Variants in TMPRSS9 observed in about 807,000 individuals in gnomAD.
TMPRSS9 encodes the protein transmembrane protease serine 9.
In TMPRSS9, 113 loss-of-function variants were observed where a neutral mutation model predicts 111.4. The observed-to-expected ratio is 1.01, with a 90% CI of 0.87 to 1.19. The LOEUF (loss-of-function observed/expected upper bound fraction) is 1.19. Among genes scored for constraint, TMPRSS9 ranks in the 50% most tolerant of loss-of-function variants. TMPRSS9 has a pLI of 0.00. For missense variants in TMPRSS9, 1,803 were observed against 1,513.1 expected, an observed-to-expected ratio of 1.19 and a Z score of -3.18; for synonymous variants, 805 against 659.1, an observed-to-expected ratio of 1.22 and a Z score of -3.39.
chr19:2,418,260 CTCCTTG>C lies in TMPRSS9; in HGVS notation c.2154+128_2154+133del, dbSNP rs1258980504. The C allele has an allele frequency of 3.2e-3, 3,786 of 1,165,366 alleles. 126 individuals are homozygous for C. The highest frequency in any genetic ancestry group is 0.017 in the African/African-American group (811 of 48,498). 72.2% of individuals were successfully genotyped at this position (1,165,366 alleles called of 1,614,324 possible). On this transcript the variant is annotated intron_variant, in intron 13 of 17. Coordinates refer to ENST00000648592, the Ensembl canonical transcript of TMPRSS9. ...TTTCTTTCCTTCCCCCCCTCCTTCC[CTCCTTG>C]TCCTTCCCTCCTTTTCCTTTCCTCC...
exon 9 of TMPRSS9, chr19:2,410,340 C>T: frequency 6.2e-7 from 1 of 1,614,128 alleles, no homozygotes; most frequent in Non-Finnish European, 8.5e-7. Flanking sequence ...GCCATTCACT[C>T]ACTGACAGGA....
chr19:2,397,391 A>G (rs1054316008), intron 2 of TMPRSS9, among the ~76,000 whole-genome samples: 21 of 151,928 alleles, frequency 1.4e-4, no homozygotes, highest in Admixed American at 7.2e-4. Context: ...CCCGGGTTCA[A>G]GCGATTCTCC....
At chr19:2,424,897 C>T in intron 15 of TMPRSS9, 105 bp from the exon 17 acceptor site, 4 of 1,323,718 alleles carry the variant, frequency 3.0e-6, no homozygotes, top group Non-Finnish European at 3.9e-6. Flanking sequence ...ACCAAGAGGC[C>T]AATAACCCTG....
chr19:2,405,496 G>A lies in TMPRSS9; in HGVS notation c.793G>A (p.Ala265Thr), dbSNP rs371030548. The change falls in exon 7 of 18, where the codon GCC becomes ACC. Residue 265 changes from alanine (A) to threonine (T), a missense_variant. Coordinates refer to ENST00000648592, the Ensembl canonical transcript of TMPRSS9. Reference sequence around the variant, plus strand: ...GAACAAGGAGCACTTCTGTGGGGCCGCCATCATCAACGCCAGGTGGCTGGT... The same window carrying A: ...GAACAAGGAGCACTTCTGTGGGGCCACCATCATCAACGCCAGGTGGCTGGT... The A allele has an allele frequency of 2.5e-5, 40 of 1,603,448 alleles. No individual in the cohort carries two copies. The highest frequency in any genetic ancestry group is 3.5e-5 in the Admixed American group (2 of 57,640).
At chr19:2,368,781 T>TTTTTTGTTTTTG (rs1970266622) in intron 1 of TMPRSS9, among the ~76,000 whole-genome samples, 1 of 110,918 alleles carries the variant, frequency 9.0e-6, no homozygotes, top group East Asian at 2.7e-4. Flanking sequence ...CCAGTTTTTT[T>TTTTTTGTTTTTG]TTTTTTTTTT....
At chr19:2,386,441 C>T (rs1057341785), upstream of TMPRSS9, among the ~76,000 whole-genome samples, 1 of 150,310 alleles carries the variant, frequency 6.7e-6, no homozygotes, top group Non-Finnish European at 1.5e-5. Context: ...GGAGGCGGAG[C>T]TTGCAGTGAG....
intron 1 of TMPRSS9, among the ~76,000 whole-genome samples, chr19:2,394,096 G>A (rs4807258): frequency 0.34 from 52,013 of 151,758 alleles, 9,432 homozygotes; most frequent in East Asian, 0.6. Context: ...CTAGCTACTC[G>A]GGAAGCTAAG....
At chr19:2,400,298 T>C (rs1237288808) in intron 4 of TMPRSS9, among the ~76,000 whole-genome samples, 5 of 152,154 alleles carry the variant, frequency 3.3e-5, no homozygotes, top group Non-Finnish European at 5.9e-5. Flanking sequence ...TTCCAGCAAT[T>C]TGGGAGGCCA....
intron 1 of TMPRSS9, among the ~76,000 whole-genome samples, chr19:2,393,038 C>A (rs1346695692): frequency 1.3e-5 from 2 of 152,114 alleles, no homozygotes; most frequent in Admixed American, 1.3e-4. Context: ...TCAAAACGGA[C>A]CAGTCAGCTC....
At position 2,405,565 on chromosome 19, in the gene TMPRSS9, C is replaced by A; in HGVS notation, c.842+20C>A. 6.6e-7 allele frequency: 1 copy of A among 1,513,382 alleles called. No homozygotes were observed. The highest frequency in any genetic ancestry group is 1.3e-5 in the South Asian group (1 of 76,910). The allele number at this position is 1,513,382 out of a possible 1,614,324, so 93.7% of individuals were successfully genotyped here. Reference sequence around the variant, plus strand: ...CAATGAGTAAGCCCCCATCCCAAAGCACCAAACCCGAACCCTCTGTATTTC... The same window carrying A: ...CAATGAGTAAGCCCCCATCCCAAAGAACCAAACCCGAACCCTCTGTATTTC... On this transcript the variant is annotated intron_variant, in intron 7 of 17. Transcript: ENST00000648592.
intron 17 of TMPRSS9, 173 bp downstream of exon 18, chr19:2,425,666 T>A: frequency 1.8e-5 from 23 of 1,305,310 alleles, no homozygotes; most frequent in Non-Finnish European, 2.3e-5. Flanking sequence ...CAGCCGTTTA[T>A]TGGGCAACCC....
chr19:2,381,911 C>T (rs1016882673), intron 1 of TMPRSS9, among the ~76,000 whole-genome samples: 1 of 152,196 alleles, frequency 6.6e-6, no homozygotes, highest in Non-Finnish European at 1.5e-5. Flanking sequence ...GGCGCAATCT[C>T]AGCTCACTGC....
intron 13 of TMPRSS9, among the ~76,000 whole-genome samples, chr19:2,419,251 T>C (rs12459733): frequency 0.53 from 77,757 of 146,088 alleles, 21,255 homozygotes; most frequent in East Asian, 0.64. Flanking sequence ...TCGCCCAGGC[T>C]GGAGTGCAGT....
At chr19:2,397,384 G>A (rs1230173283) in intron 2 of TMPRSS9, among the ~76,000 whole-genome samples, 4 of 150,812 alleles carry the variant, frequency 2.7e-5, no homozygotes, top group Non-Finnish European at 3.0e-5. Context: ...TCTGCCTCCC[G>A]GGTTCAAGCG....
At chr19:2,366,289 G>A (rs1337669735) in intron 1 of TMPRSS9, among the ~76,000 whole-genome samples, 1 of 152,048 alleles carries the variant, frequency 6.6e-6, no homozygotes, top group East Asian at 1.9e-4. Flanking sequence ...TGAGGCTTCA[G>A]TGAGCTGTGA....
Position 2,363,801 on chromosome 19 carries a change from TGTGC to T in TMPRSS9, c.-26+3447_-26+3450del, listed in dbSNP as rs1241085434. The stretch of plus-strand genomic sequence containing the variant: ...AACTCTGTGTGTGAGTGTGTGTGTG[TGTGC>T]GTGCGCGCGTGTGTGTGTGAGAGAG... On this transcript the variant is annotated intron_variant, in intron 1 of 17. Transcript: ENST00000649857. Among the ~76,000 whole-genome samples, 56 of 126,248 alleles carry T rather than the reference TGTGC, an allele frequency of 4.4e-4. 2 individuals carry two copies. The highest frequency in any genetic ancestry group is 1.3e-3 in the African/African-American group (41 of 32,268). 82.8% of individuals were successfully genotyped at this position (126,248 alleles called of 152,430 possible).
intron 1 of TMPRSS9, 38 bp downstream of exon 2, chr19:2,389,965 G>A: frequency 6.3e-7 from 1 of 1,586,588 alleles, no homozygotes; most frequent in Non-Finnish European, 8.6e-7. Context: ...CGCAATACAA[G>A]GGACATGTGC....
chr19:2,388,827 T>C (rs1334372532), upstream of TMPRSS9, among the ~76,000 whole-genome samples: 1 of 151,884 alleles, frequency 6.6e-6, no homozygotes, highest in Non-Finnish European at 1.5e-5. Context: ...TCTCACTATA[T>C]TGCCCAGGCT....
chr19:2,408,028 C>T (rs1011406689), intron 7 of TMPRSS9, among the ~76,000 whole-genome samples: 3 of 151,964 alleles, frequency 2.0e-5, no homozygotes, highest in Non-Finnish European at 4.4e-5. Context: ...GTGATCCTCC[C>T]GCCTCAGCCT....
Sources: allele counts gnomAD v4.1 joint callset (sites outside exome capture counted in the v4.1 genomes callset), GRCh38; gene constraint gnomAD v4.1.1; transcripts MANE v1.5; gene names NCBI Gene and HGNC (gene_info 2026-07-23, HGNC 2026-07-21).